TNFRSF10A: variants seen among roughly 807,000 people sequenced by gnomAD.
The protein encoded by TNFRSF10A is tumor necrosis factor receptor superfamily member 10A.
TNFRSF10A carries 44 observed loss-of-function variants against 42.8 expected under a neutral mutation model. The ratio of observed to expected loss-of-function variants is 1.03; its 90% CI spans 0.81 to 1.32. TNFRSF10A has a LOEUF of 1.32. Among genes scored for constraint, TNFRSF10A ranks in the 40% most tolerant of loss-of-function variants. TNFRSF10A has a pLI of 0.00. For missense variants in TNFRSF10A, 680 were observed against 602.0 expected (o/e 1.13, Z -1.36); for synonymous variants, 259 against 234.2 (o/e 1.11, Z -0.97).
chr8:23,200,778 GGGA>G lies in TNFRSF10A; in HGVS notation c.630-21_630-19del. On this transcript the variant is annotated intron_variant, in intron 4 of 9. Transcript: ENST00000221132. Reference sequence around the variant, plus strand: ...TGGGGCACCTGGGTACACACAGGGAGGGAGGGGGGGGACTCTTGATGGAAAGCT... The same window carrying G: ...TGGGGCACCTGGGTACACACAGGGAGGGGGGGGGACTCTTGATGGAAAGCT... 3.9e-6 allele frequency: 6 copies of G among 1,519,116 alleles called. No homozygotes were observed. Among genetic ancestry groups the G allele is most frequent in the African/African-American group, 1.4e-5 (1 of 72,298 alleles). 94.1% of individuals were successfully genotyped at this position (1,519,116 alleles called of 1,614,324 possible).
chr8:23,223,854 C>T (rs1230943744), intron 1 of TNFRSF10A, among the ~76,000 whole-genome samples: 3 of 152,246 alleles, frequency 2.0e-5, no homozygotes, highest in Non-Finnish European at 4.4e-5. Flanking sequence ...TGCCCCGCTC[C>T]TGGCTGCCTG....
At chr8:23,216,533 G>A (rs1406448921) in intron 1 of TNFRSF10A, among the ~76,000 whole-genome samples, 1 of 152,250 alleles carries the variant, frequency 6.6e-6, no homozygotes, top group Non-Finnish European at 1.5e-5. Context: ...CACGAGGTCA[G>A]GAGTTCAAGA....
intron 2 of TNFRSF10A, among the ~76,000 whole-genome samples, 169 bp from the exon 3 acceptor site, chr8:23,202,930 G>A (rs1243666787): frequency 6.6e-6 from 1 of 152,114 alleles, no homozygotes; most frequent in Admixed American, 6.6e-5. Flanking sequence ...ACCTCTGACT[G>A]GCGCTGCTGA....
chr8:23,193,982 T>G (rs1800788185), intron 9 of TNFRSF10A, among the ~76,000 whole-genome samples: 1 of 152,218 alleles, frequency 6.6e-6, no homozygotes, highest in South Asian at 2.1e-4. Context: ...CTAGGTGGTG[T>G]TCTCTGCGAT....
Position 23,191,667 on chromosome 8 carries a change from G to C in TNFRSF10A, c.*27C>G, listed in dbSNP as rs760689124. ...ATATGTATTAACTCCTAACACCTAA[G>C]AGGAAACCTCTGGTAAAAAGAGTCT... On this transcript the variant is annotated 3_prime_UTR_variant, in exon 10 of 10. Transcript: ENST00000221132. The C allele has an allele frequency of 6.3e-7, 1 of 1,595,444 alleles. No individual in the cohort carries two copies. Among genetic ancestry groups the C allele is most frequent in the South Asian group, 1.1e-5 (1 of 88,722 alleles).
intron 1 of TNFRSF10A, among the ~76,000 whole-genome samples, chr8:23,216,472 G>A (rs1191014979): frequency 6.6e-6 from 1 of 152,068 alleles, no homozygotes; most frequent in African/African-American, 2.4e-5. Context: ...GGCCAGGCAC[G>A]GTGGCTCACG....
Position 23,191,796 on chromosome 8 carries a change from C to A in TNFRSF10A, c.1305G>T (p.Met435Ile). ...TCTTCTCTCTTGCATGTCTCTCTTC[C>A]ATCCTCTCCAAGGCATCCAGCAGGG... is the stretch of plus-strand genomic sequence containing the variant. Reference protein sequence around the residue: ...IHTLLDALERMEERHAREKIQ... With the variant: ...IHTLLDALERIEERHAREKIQ... The change falls in exon 10 of 10, where the codon ATG (methionine) becomes ATT (isoleucine). Residue 435 changes from methionine to isoleucine, a missense_variant. Physicochemically the swap from Met to Ile is conservative, Grantham distance 10 (BLOSUM62 1). Transcript: ENST00000221132. 6.2e-7 allele frequency: 1 copy of A among 1,614,148 alleles called. No individual in the cohort carries two copies. Among genetic ancestry groups the A allele is most frequent in the Non-Finnish European group, 8.5e-7 (1 of 1,180,016 alleles).
At chr8:23,204,869 C>T (rs1436923894) in intron 2 of TNFRSF10A, among the ~76,000 whole-genome samples, 1 of 152,016 alleles carries the variant, frequency 6.6e-6, no homozygotes, top group Non-Finnish European at 1.5e-5. Context: ...GAAGACACAA[C>T]ATACCAAAAC....
intron 1 of TNFRSF10A, among the ~76,000 whole-genome samples, chr8:23,217,221 T>G (rs1329604597): frequency 1.3e-5 from 2 of 152,212 alleles, no homozygotes; most frequent in African/African-American, 4.8e-5. Flanking sequence ...GAATTCATTT[T>G]TTTTTTCTTT....
At chr8:23,211,205 A>G (rs1447521295) in intron 2 of TNFRSF10A, among the ~76,000 whole-genome samples, 1 of 152,224 alleles carries the variant, frequency 6.6e-6, no homozygotes, top group Non-Finnish European at 1.5e-5. Context: ...AAGTTCTGCA[A>G]GGTTATAGAA....
At chr8:23,199,218 C>T in intron 8 of TNFRSF10A, 48 bp downstream of exon 8, 13 of 1,583,590 alleles carry the variant, frequency 8.2e-6, no homozygotes, top group Non-Finnish European at 1.1e-5. Flanking sequence ...GAGGCATGGC[C>T]TTCACCCCCT....
At chr8:23,207,823 C>T (rs930582169) in intron 2 of TNFRSF10A, among the ~76,000 whole-genome samples, 2 of 151,270 alleles carry the variant, frequency 1.3e-5, no homozygotes, top group Non-Finnish European at 2.9e-5. Context: ...CTTCCCCAGC[C>T]ACGTAGAACT....
intron 1 of TNFRSF10A, among the ~76,000 whole-genome samples, chr8:23,217,261 G>C (rs1206147781): frequency 2.0e-5 from 3 of 151,864 alleles, no homozygotes; most frequent in Non-Finnish European, 2.9e-5. Context: ...CTGTTGCCAG[G>C]CTGGAGTGCA....
Position 23,202,761 on chromosome 8 carries a change from C to A in TNFRSF10A, c.404G>T (p.Gly135Val), listed in dbSNP as rs1222423688. The change falls in exon 3 of 10, where the codon GGA (glycine) becomes GTA (valine). Residue 135 changes from glycine (G) to valine (V), a missense_variant and splice_region_variant. Physicochemically the swap from Gly to Val is moderately radical, Grantham distance 109. Transcript: ENST00000221132. ...HSPLGELCPP[G>V]SHRSEHPGAC... ...TCCAGGATGTTCTGATCTATGAGAT[C>A]CTGGGAAGGGAGAGAAAAGCCAATG... The A allele has an allele frequency of 1.9e-6, 3 of 1,606,528 alleles. No homozygotes were observed. The East Asian group carries it at 6.7e-5, about 36-fold the overall frequency.
intron 7 of TNFRSF10A, among the ~76,000 whole-genome samples, chr8:23,199,651 G>A (rs967740438): frequency 6.6e-6 from 1 of 152,170 alleles, no homozygotes; most frequent in Admixed American, 6.5e-5. Context: ...GGTACAGGCT[G>A]TGGGGTAAGG....
chr8:23,223,397 T>C (rs967798334), intron 1 of TNFRSF10A, among the ~76,000 whole-genome samples: 4 of 152,222 alleles, frequency 2.6e-5, no homozygotes, highest in African/African-American at 9.6e-5. Context: ...ACCAACGGAC[T>C]GTGACATTTC....
intron 9 of TNFRSF10A, among the ~76,000 whole-genome samples, chr8:23,196,543 C>T (rs1306588063): frequency 6.6e-6 from 1 of 152,096 alleles, no homozygotes; most frequent in Non-Finnish European, 1.5e-5. Context: ...AGTTTTAGTC[C>T]ATCAGGGGAC....
At chr8:23,195,132 G>A (rs569646186) in intron 9 of TNFRSF10A, among the ~76,000 whole-genome samples, 8 of 152,274 alleles carry the variant, frequency 5.3e-5, no homozygotes, top group South Asian at 2.1e-4. Flanking sequence ...GCACTCCAGC[G>A]TGGGTGACAG....
At position 23,224,863 on chromosome 8, in the gene TNFRSF10A, G is replaced by C; in HGVS notation, c.199C>G (p.Arg67Gly). The C allele has an allele frequency of 6.4e-7, 1 of 1,572,150 alleles. No individual in the cohort carries two copies. The highest frequency in any genetic ancestry group is 8.6e-7 in the Non-Finnish European group (1 of 1,158,974). Reference sequence around the variant, plus strand: ...CCTGGGGCGCGCCCTGCCCGGGCCCGGGCACTGGGTCCGTGCTGTCCCATG... The same window carrying C: ...CCTGGGGCGCGCCCTGCCCGGGCCCCGGCACTGGGTCCGTGCTGTCCCATG... The part of the protein sequence containing the change: ...TSMGQHGPSA[R>G]ARAGRAPGPR... Residue 67 changes from arginine to glycine, a missense_variant, in exon 1 of 10, where the codon CGG becomes GGG. Arg to Gly is a moderately radical substitution (Grantham distance 125). Transcript: ENST00000221132.
Sources: allele counts gnomAD v4.1 joint callset (sites outside exome capture counted in the v4.1 genomes callset), GRCh38; gene constraint gnomAD v4.1.1; transcripts MANE v1.5; gene names NCBI Gene and HGNC (gene_info 2026-07-23, HGNC 2026-07-21).